DPP6: variants seen among roughly 807,000 people sequenced by gnomAD.
DPP6 encodes the protein dipeptidyl peptidase like 6, also known as A-type potassium channel modulatory protein DPP6.
DPP6 carries 69 observed loss-of-function variants against 122.6 expected under a neutral mutation model. That is an observed-to-expected ratio of 0.56 (90% CI 0.46 to 0.69). DPP6 has a LOEUF of 0.69. DPP6 is among the 30% of genes least tolerant of loss of function. DPP6 has a pLI of 0.00. For missense variants in DPP6, 928 were observed against 1,116.9 expected, an observed-to-expected ratio of 0.83 and a Z score of 2.41; for synonymous variants, 418 against 433.1, an observed-to-expected ratio of 0.97 and a Z score of 0.43.
chr7:154,030,104 GA>G (rs1799154285), intron 1 of DPP6, among the ~76,000 whole-genome samples: 1 of 152,094 alleles, frequency 6.6e-6, no homozygotes, highest in African/African-American at 2.4e-5. Context: ...ATTGCAGTGG[GA>G]GGATCACTCC....
rs553014279 is a variant in DPP6 at position 154,618,385 on chromosome 7, C to T, written c.628-19436C>T. Among the ~76,000 whole-genome samples the T allele has an allele frequency of 5.3e-5, 8 of 152,248 alleles. No individual in the cohort carries two copies. The highest frequency in any genetic ancestry group is 8.8e-5 in the Non-Finnish European group (6 of 68,020). On this transcript the variant is annotated intron_variant, in intron 5 of 25. Transcript: ENST00000377770. This position sits in a 1 kb window ranked among gnomAD's most constrained non-coding sequence, Gnocchi z 4.1. ...AGGGAGACCAGCCCTCTAACTGCAGCGAGCTGGATTTCAGACCCTTCCTGT... is the reference window on the plus strand; with the variant it reads ...AGGGAGACCAGCCCTCTAACTGCAGTGAGCTGGATTTCAGACCCTTCCTGT...
At chr7:153,911,393 C>A (rs1240562793) in intron 1 of DPP6, among the ~76,000 whole-genome samples, 1 of 152,188 alleles carries the variant, frequency 6.6e-6, no homozygotes, top group Admixed American at 6.5e-5. Flanking sequence ...GTTGGCATGA[C>A]TATTATCTGT....
intron 1 of DPP6, among the ~76,000 whole-genome samples, chr7:154,234,236 T>G (rs1276242731): frequency 6.6e-6 from 1 of 152,186 alleles, no homozygotes; most frequent in East Asian, 1.9e-4. Flanking sequence ...TCAGGTAGCT[T>G]TGGTGCTTTG....
At chr7:153,810,239 A>C in the DPP6 span, among the ~76,000 whole-genome samples, 1 of 152,188 alleles carries the variant, frequency 6.6e-6, no homozygotes, top group Non-Finnish European at 1.5e-5. Flanking sequence ...ATTTCACAGC[A>C]GCTCATTTCT....
At chr7:154,813,343 A>G (rs1484486599) in intron 16 of DPP6, among the ~76,000 whole-genome samples, 4 of 152,080 alleles carry the variant, frequency 2.6e-5, no homozygotes, top group Admixed American at 6.5e-5. Flanking sequence ...TCGGCCTCCC[A>G]AAGTGCTGGG....
At chr7:153,822,437 C>T in the DPP6 span, among the ~76,000 whole-genome samples, 1 of 152,082 alleles carries the variant, frequency 6.6e-6, no homozygotes, top group Non-Finnish European at 1.5e-5. Flanking sequence ...GTGATCTGCC[C>T]ACCTCGGCCT....
chr7:154,020,506 C>G (rs1798647084), intron 1 of DPP6, among the ~76,000 whole-genome samples: 1 of 151,946 alleles, frequency 6.6e-6, no homozygotes, highest in Non-Finnish European at 1.5e-5. Context: ...AGAGTTGGGA[C>G]CAGGTCTTCT....
intron 5 of DPP6, among the ~76,000 whole-genome samples, chr7:154,592,656 G>A (rs894440102): frequency 2.9e-4 from 44 of 152,260 alleles, no homozygotes; most frequent in African/African-American, 1.0e-3. Context: ...TGGAAGCAGT[G>A]GCCCAGCAGA....
chr7:154,863,751 G>C lies in DPP6; in HGVS notation c.1715-4244G>C, dbSNP rs1009976330. Among the ~76,000 whole-genome samples, 1 of 151,930 alleles carries C rather than the reference G, an allele frequency of 6.6e-6. No individual in the cohort carries two copies. Among genetic ancestry groups the C allele is most frequent in the Non-Finnish European group, 1.5e-5 (1 of 68,004 alleles). ...GATTGCTTGAGCCCGGGTGTTCGAG[G>C]CTGCAGTGAGTTATGATTTCACCAC... On this transcript the variant is annotated intron_variant, in intron 17 of 25. Coordinates refer to ENST00000377770, the MANE Select transcript of DPP6 (RefSeq NM_130797.4). The surrounding 1 kb of genome is among the most constrained non-coding windows in gnomAD (Gnocchi z 4.1).
intron 1 of DPP6, among the ~76,000 whole-genome samples, chr7:154,404,502 T>C (rs1815905574): frequency 6.6e-6 from 1 of 152,084 alleles, no homozygotes; most frequent in Non-Finnish European, 1.5e-5. Flanking sequence ...AGTGCCCATA[T>C]GAATCAATAA....
At chr7:153,997,866 T>C (rs1454075216) in intron 1 of DPP6, among the ~76,000 whole-genome samples, 2 of 151,490 alleles carry the variant, frequency 1.3e-5, no homozygotes, top group African/African-American at 4.9e-5. Context: ...AGAGAAGCAC[T>C]GGGCAGCTGC....
Position 154,742,815 on chromosome 7 carries a change from C to T in DPP6, c.883+14928C>T, listed in dbSNP as rs116648384. Among the ~76,000 whole-genome samples the T allele has an allele frequency of 6.7e-3, 1,023 of 152,302 alleles. 11 individuals carry two copies. Among genetic ancestry groups the T allele is most frequent in the African/African-American group, 0.023 (965 of 41,568 alleles). On this transcript the variant is annotated intron_variant, in intron 8 of 25. Coordinates refer to ENST00000377770, the MANE Select transcript of DPP6 (RefSeq NM_130797.4). Reference sequence around the variant, plus strand: ...AGGGAACGGTGGCCTCTCCCAGCTGCCTTGGTGTTTAGGAGGCCCTGTAAG... The same window carrying T: ...AGGGAACGGTGGCCTCTCCCAGCTGTCTTGGTGTTTAGGAGGCCCTGTAAG...
At chr7:154,499,456 G>A (rs983851358) in intron 3 of DPP6, among the ~76,000 whole-genome samples, 2 of 152,116 alleles carry the variant, frequency 1.3e-5, no homozygotes, top group African/African-American at 4.8e-5. Context: ...CAAATTGCAT[G>A]TCCCTGCAGT....
At chr7:154,082,771 T>C (rs543465275) in intron 1 of DPP6, among the ~76,000 whole-genome samples, 1 of 151,740 alleles carries the variant, frequency 6.6e-6, no homozygotes, top group Non-Finnish European at 1.5e-5. Context: ...AAAGTCAGCC[T>C]CCACAAACCT....
rs182507438 is a variant in DPP6, at chr7:154,536,959, G to C, written c.458-3573G>C. 3.2e-4 allele frequency among the ~76,000 whole-genome samples: 49 copies of C among 152,160 alleles called. No homozygotes were observed. The East Asian group carries it at 8.5e-3, about 26-fold the overall frequency. On this transcript the variant is annotated intron_variant, in intron 3 of 25. Coordinates refer to ENST00000377770, the MANE Select transcript of DPP6 (RefSeq NM_130797.4). ...GTGAATTAAGGCTTTATTTTTTAAAGGAAAATTCAAAAGTGTTTCAGAAAA... is the reference window on the plus strand; with the variant it reads ...GTGAATTAAGGCTTTATTTTTTAAACGAAAATTCAAAAGTGTTTCAGAAAA...
At chr7:153,842,642 G>A in the DPP6 span, among the ~76,000 whole-genome samples, 3 of 151,972 alleles carry the variant, frequency 2.0e-5, no homozygotes, top group Non-Finnish European at 2.9e-5. Context: ...TTACTTTACC[G>A]TGGTAAGAAG....
chr7:154,051,265 C>G (rs1270236322), upstream of DPP6, among the ~76,000 whole-genome samples: 6 of 110,036 alleles, frequency 5.5e-5, no homozygotes, highest in Middle Eastern at 5.1e-3. Context: ...CAGGTTCCCC[C>G]CTCTGGAGTT....
intron 1 of DPP6, among the ~76,000 whole-genome samples, chr7:154,430,138 C>T (rs75747897): frequency 0.027 from 4,094 of 152,174 alleles, 181 homozygotes; most frequent in African/African-American, 0.091. Flanking sequence ...CCAGGCTCCT[C>T]GACGGCCTTA....
intron 1 of DPP6, among the ~76,000 whole-genome samples, chr7:154,080,668 C>G (rs1384131575): frequency 6.6e-6 from 1 of 152,170 alleles, no homozygotes; most frequent in East Asian, 1.9e-4. Context: ...TGTAAGTTCC[C>G]CTTTCATGGA....
Sources: gnomAD v4.1 joint callset for allele counts (sites outside exome capture counted in the v4.1 genomes callset) on GRCh38, gnomAD v4.1.1 for gene constraint, Gnocchi (gnomAD v3.1) non-coding constraint, MANE v1.5 for transcripts, NCBI Gene and HGNC (gene_info 2026-07-23, HGNC 2026-07-21) for gene names.